Variants in AMOT observed in about 807,000 individuals in gnomAD.
AMOT encodes the protein angiomotin.
In AMOT, 11 loss-of-function variants were observed where a neutral mutation model predicts 67.0. The ratio of observed to expected loss-of-function variants is 0.16; its 90% confidence interval spans 0.10 to 0.27. The LOEUF (loss-of-function observed/expected upper bound fraction) is 0.27. Among genes scored for constraint, AMOT ranks in the 10% least tolerant of loss-of-function variants. AMOT has a pLI of 1.00. For synonymous variants in AMOT, 326 were observed against 321.4 expected (o/e 1.01, Z -0.15); for missense variants, 753 against 852.0 (o/e 0.88, Z 1.45).
intron 8 of AMOT, among the ~76,000 whole-genome samples, chrX:112,802,450 T>C (rs1193386436): frequency 2.7e-5 from 3 of 112,481 alleles, no homozygotes; most frequent in Non-Finnish European, 5.6e-5. Context: ...TTCTCTGAGA[T>C]GTGGTCTTCC....
intron 8 of AMOT, among the ~76,000 whole-genome samples, chrX:112,797,343 C>T (rs1164213367): frequency 9.0e-6 from 1 of 111,571 alleles, no homozygotes; most frequent in Admixed American, 9.5e-5. Flanking sequence ...TAACACCTAA[C>T]AGATCTTACT....
At chrX:112,819,295 C>T in intron 4 of AMOT, 1 of 714,311 alleles carries the variant, frequency 1.4e-6, no homozygotes, top group Non-Finnish European at 1.7e-6. Flanking sequence ...CAGGTGCCAC[C>T]CAATAGCCTG....
In AMOT at chrX:112,779,106, T is replaced by TG; in HGVS notation, c.3047dup (p.Thr1017AsnfsTer10). 1 of 1,170,158 alleles carries TG rather than the reference T, an allele frequency of 8.5e-7. No homozygotes were observed. The highest frequency in any genetic ancestry group is 1.2e-6 in the Non-Finnish European group (1 of 857,586). On this transcript the variant is annotated frameshift_variant, in exon 13 of 14. Coordinates refer to ENST00000371959, the MANE Select transcript of AMOT (RefSeq NM_001113490.2). LOFTEE classifies it high-confidence loss of function. Reference sequence around the variant, plus strand: ...CCTGAGCCACAGCTGGAGTTGGAGTTGGAGCTGGAGTTGGAGCCACAGCCG... The same window carrying TG: ...CCTGAGCCACAGCTGGAGTTGGAGTTGGGAGCTGGAGTTGGAGCCACAGCCG...
intron 8 of AMOT, among the ~76,000 whole-genome samples, chrX:112,803,943 C>T (rs1004397751): frequency 9.0e-6 from 1 of 111,705 alleles, no homozygotes; most frequent in Non-Finnish European, 1.9e-5. Context: ...TACCAAGATA[C>T]ACTCTAGCAT....
chrX:112,810,880 G>C (rs1176109289), intron 6 of AMOT, among the ~76,000 whole-genome samples: 1 of 111,816 alleles, frequency 8.9e-6, no homozygotes, highest in Non-Finnish European at 1.9e-5. Flanking sequence ...GGAAATAAGA[G>C]AGGACATTAT....
intron 8 of AMOT, among the ~76,000 whole-genome samples, chrX:112,800,719 G>A (rs1054602024): frequency 4.6e-5 from 5 of 109,866 alleles, no homozygotes; most frequent in African/African-American, 1.7e-4. Context: ...CCAGAAAGAA[G>A]GGAAAATATT....
rs1034654913 is a variant in AMOT at position 112,810,003 on chromosome X, C to A, written c.1538-17G>T. The A allele has an allele frequency of 1.3e-5, 15 of 1,173,485 alleles. No homozygotes were observed. Among genetic ancestry groups the A allele is most frequent in the African/African-American group, 1.8e-5 (1 of 56,420 alleles). Reference sequence around the variant, plus strand: ...CTAGACGCTCTGTGAAATTTGGAGACAATCAACAGGGTCTCAAATGTAAAC... The same window carrying A: ...CTAGACGCTCTGTGAAATTTGGAGAAAATCAACAGGGTCTCAAATGTAAAC... On this transcript the variant is annotated splice_polypyrimidine_tract_variant and intron_variant, in intron 6 of 13. Transcript: ENST00000371959.
chrX:112,814,462 C>A (rs1468380079), intron 5 of AMOT, among the ~76,000 whole-genome samples: 3 of 109,620 alleles, frequency 2.7e-5, no homozygotes, highest in Admixed American at 9.8e-5. Context: ...GTCCCTCCCC[C>A]ACCTTCACCC....
chrX:112,818,494 G>A (rs7876715), intron 4 of AMOT, among the ~76,000 whole-genome samples: 11,059 of 111,122 alleles, frequency 0.1, 579 homozygotes, highest in Admixed American at 0.19. Context: ...GTGATGTTGG[G>A]AAAACCAAGG....
intron 4 of AMOT, among the ~76,000 whole-genome samples, chrX:112,816,137 T>G (rs2147815804): frequency 9.0e-6 from 1 of 111,729 alleles, no homozygotes; most frequent in African/African-American, 3.2e-5. Context: ...ACCAGACAAC[T>G]TCCATGGTCA....
intron 11 of AMOT, among the ~76,000 whole-genome samples, chrX:112,781,443 C>CAA (rs35689399): frequency 3.6e-3 from 102 of 28,690 alleles, no homozygotes; most frequent in South Asian, 9.2e-3. Flanking sequence ...GACTCCATCT[C>CAA]AAAAAAAAAA....
chrX:112,791,482 G>C (rs1239168536), intron 9 of AMOT, among the ~76,000 whole-genome samples: 3 of 112,297 alleles, frequency 2.7e-5, no homozygotes, highest in Non-Finnish European at 5.6e-5. Flanking sequence ...ACTGAAAAGT[G>C]GTACAGCCAG....
intron 1 of AMOT, among the ~76,000 whole-genome samples, chrX:112,834,622 T>G (rs750273711): frequency 8.0e-5 from 9 of 112,562 alleles, no homozygotes; most frequent in African/African-American, 9.7e-5. Flanking sequence ...AGCATAAATA[T>G]TCCATCATTA....
chrX:112,811,191 C>A, intron 6 of AMOT, 58 bp downstream of exon 6: 3 of 1,191,817 alleles, frequency 2.5e-6, no homozygotes, highest in Non-Finnish European at 3.4e-6. Flanking sequence ...TCAGCCCTTC[C>A]CTTCACCACC....
chrX:112,838,295 T>C (rs950544221), intron 1 of AMOT, among the ~76,000 whole-genome samples: 5 of 110,161 alleles, frequency 4.5e-5, no homozygotes, highest in African/African-American at 1.3e-4. Context: ...TGTCTCCAAA[T>C]GGAAAAAAAG....
At chrX:112,816,556 C>T (rs1426311230) in intron 4 of AMOT, among the ~76,000 whole-genome samples, 1 of 112,130 alleles carries the variant, frequency 8.9e-6, no homozygotes, top group Non-Finnish European at 1.9e-5. Flanking sequence ...GCAATGCTAA[C>T]ATACTATTTT....
intron 6 of AMOT, 35 bp downstream of exon 6, chrX:112,811,214 C>A: frequency 8.3e-7 from 1 of 1,204,677 alleles, no homozygotes; most frequent in Non-Finnish European, 1.1e-6. Flanking sequence ...GCAGCTGCTT[C>A]AGAAGTACAA....
intron 1 of AMOT, among the ~76,000 whole-genome samples, chrX:112,837,052 C>G (rs1421831868): frequency 9.0e-6 from 1 of 111,166 alleles, no homozygotes; most frequent in Non-Finnish European, 1.9e-5. Flanking sequence ...TTTCTGGATC[C>G]CTGGGTTAGT....
chrX:112,835,826 C>T lies in AMOT; in HGVS notation c.-288-3456G>A, dbSNP rs763515491. ...CTTGAACTCCTGACCTTAGGTGATC[C>T]GCCCGCCTCTGCCTCCCAAATCGCT... On this transcript the variant is annotated intron_variant, in intron 1 of 13. Coordinates refer to ENST00000371959, the MANE Select transcript of AMOT (RefSeq NM_001113490.2). Among the ~76,000 whole-genome samples, 11 of 111,284 alleles carry T rather than the reference C, an allele frequency of 9.9e-5. No homozygotes were observed. In the South Asian group the frequency reaches 3.5e-3, roughly 35 times the overall value.
Sources: gnomAD v4.1 joint callset for allele counts (sites outside exome capture counted in the v4.1 genomes callset) on GRCh38, gnomAD v4.1.1 for gene constraint, MANE v1.5 for transcripts, NCBI Gene and HGNC (gene_info 2026-07-23, HGNC 2026-07-21) for gene names.